The following H3C2 variants were observed in gnomAD, a reference collection of about 807,000 sequenced individuals.
The protein encoded by H3C2 is histone H3.1.
In H3C2, 13 loss-of-function variants were observed where a neutral mutation model predicts 8.7. The observed-to-expected ratio is 1.49, with a 90% CI of 0.97 to 2.37. The LOEUF (loss-of-function observed/expected upper bound fraction) is 2.37. Among genes scored for constraint, H3C2 ranks in the 30% most tolerant of loss-of-function variants. The probability of loss-of-function intolerance (pLI) is 0.00; values close to 1 mark genes in which losing one functional copy is unlikely to be tolerated. For missense variants in H3C2, 144 were observed against 190.4 expected (o/e 0.76, Z 1.44); for synonymous variants, 166 against 77.6 (o/e 2.14, Z -5.99).
rs1004562472 is a variant in H3C2 at position 26,031,631 on chromosome 6, T to A, written c.*19A>T. The A allele has an allele frequency of 1.9e-6, 3 of 1,608,454 alleles. No individual in the cohort carries two copies. Among genetic ancestry groups the A allele is most frequent in the Non-Finnish European group, 2.5e-6 (3 of 1,178,588 alleles). On this transcript the variant is annotated 3_prime_UTR_variant, in exon 1 of 1. Transcript: ENST00000621411. ...AAGAGCCTTTGGGTTTTAAGACTGA[T>A]GAAAAAGTGACTTTACATTTACGCT...
rs3842707 is a variant in H3C2 at position 26,031,632 on chromosome 6, GAA to G, written c.*16_*17del. 3.2e-5 allele frequency: 51 copies of G among 1,608,588 alleles called. No homozygotes were observed. Among genetic ancestry groups the G allele is most frequent in the South Asian group, 3.3e-5 (3 of 90,230 alleles). On this transcript the variant is annotated 3_prime_UTR_variant, in exon 1 of 1. Coordinates refer to ENST00000621411, the MANE Select transcript of H3C2 (RefSeq NM_003537.4). ...AGAGCCTTTGGGTTTTAAGACTGAT[GAA>G]AAAGTGACTTTACATTTACGCTCTT...
In H3C2 at chr6:26,031,984, G is replaced by GCA; in HGVS notation, c.75_76dup (p.Ala26ValfsTer12). 6.2e-7 allele frequency: 1 copy of GCA among 1,614,180 alleles called. No individual in the cohort carries two copies. Among genetic ancestry groups the GCA allele is most frequent in the Non-Finnish European group, 8.5e-7 (1 of 1,180,044 alleles). Reference sequence around the variant, plus strand: ...GCCGGTAGCCGGCGCGCTCTTGCGAGCAGCCTTGGTAGCCAGCTGCTTGCG... The same window carrying GCA: ...GCCGGTAGCCGGCGCGCTCTTGCGAGCACAGCCTTGGTAGCCAGCTGCTTGCG... On this transcript the variant is annotated frameshift_variant, in exon 1 of 1. Transcript: ENST00000621411. LOFTEE classifies it high-confidence loss of function.
chr6:26,031,632 G>T lies in H3C2; in HGVS notation c.*18C>A, dbSNP rs1561918839. 1 of 1,608,706 alleles carries T rather than the reference G, an allele frequency of 6.2e-7. No individual in the cohort carries two copies. Among genetic ancestry groups the T allele is most frequent in the Non-Finnish European group, 8.5e-7 (1 of 1,178,552 alleles). On this transcript the variant is annotated 3_prime_UTR_variant, in exon 1 of 1. Coordinates refer to ENST00000621411, the MANE Select transcript of H3C2 (RefSeq NM_003537.4). Reference sequence around the variant, plus strand: ...AGAGCCTTTGGGTTTTAAGACTGATGAAAAAGTGACTTTACATTTACGCTC... The same window carrying T: ...AGAGCCTTTGGGTTTTAAGACTGATTAAAAAGTGACTTTACATTTACGCTC...
In H3C2 at chr6:26,031,701, AAT is replaced by A. The variant is rs777929235; in HGVS notation, c.358_359del (p.Ile120TyrfsTer27). ...LCAIHAKRVTIMPKDIQLARR... is the reference protein window; with the variant it reads ...LCAIHAKRVTXMPKDIQLARR... ...GAGCGAGCTGGATGTCTTTGGGCAT[AAT>A]AGTCACTCGCTTAGCATGGATGGCG... On this transcript the variant is annotated frameshift_variant, in exon 1 of 1. Coordinates refer to ENST00000621411, the MANE Select transcript of H3C2 (RefSeq NM_003537.4). LOFTEE classifies it high-confidence loss of function. 4 of 1,614,086 alleles carry A rather than the reference AAT, an allele frequency of 2.5e-6. No homozygotes were observed. Among genetic ancestry groups the A allele is most frequent in the South Asian group, 1.1e-5 (1 of 91,084 alleles).
In H3C2 at chr6:26,031,663, C is replaced by T; in HGVS notation, c.398G>A (p.Gly133Glu). ...KDIQLARRIR[G>E]ERA ...GTGACTTTACATTTACGCTCTTTCT[C>T]CGCGAATGCGGCGAGCGAGCTGGAT... The change falls in exon 1 of 1, where the codon GGA (glycine) becomes GAA (glutamate). Residue 133 changes from glycine to glutamate, a missense_variant. Physicochemically the swap from Gly to Glu is moderately conservative, Grantham distance 98. Transcript: ENST00000621411. 1 of 1,613,502 alleles carries T rather than the reference C, an allele frequency of 6.2e-7. No homozygotes were observed. Among genetic ancestry groups the T allele is most frequent in the Non-Finnish European group, 8.5e-7 (1 of 1,179,898 alleles).
chr6:26,032,073 G>C lies in H3C2; in HGVS notation c.-13C>G, dbSNP rs201974900. 2 of 1,600,952 alleles carry C rather than the reference G, an allele frequency of 1.2e-6. No individual in the cohort carries two copies. On this transcript the variant is annotated 5_prime_UTR_variant, in exon 1 of 1. Transcript: ENST00000621411. ...TAGTACGAGCCATGGCAAAACCACAGAAAAGCTTGCCTGCAGAGACGTCTG... is the reference window on the plus strand; with the variant it reads ...TAGTACGAGCCATGGCAAAACCACACAAAAGCTTGCCTGCAGAGACGTCTG...
In H3C2 at chr6:26,031,801, C is replaced by T. The variant is rs755336260; in HGVS notation, c.260G>A (p.Ser87Asn). 12 of 1,614,268 alleles carry T rather than the reference C, an allele frequency of 7.4e-6. No individual in the cohort carries two copies. In the East Asian group the frequency reaches 2.0e-4, roughly 27 times the overall value. ...CTCCTGCAGCGCCATCACCGCAGAG[C>T]TCTGGAAGCGAAGATCGGTCTTGAA... is the stretch of plus-strand genomic sequence containing the variant. ...QDFKTDLRFQ[S>N]SAVMALQEAC... is the part of the protein sequence containing the mutation. The change falls in exon 1 of 1, where the codon AGC (serine) becomes AAC (asparagine). Residue 87 changes from serine (S) to asparagine (N), a missense_variant. Coordinates refer to ENST00000621411, the MANE Select transcript of H3C2 (RefSeq NM_003537.4).
At position 26,031,611 on chromosome 6, in the gene H3C2, C is replaced by T; in HGVS notation, c.*39G>A. On this transcript the variant is annotated 3_prime_UTR_variant, in exon 1 of 1. Coordinates refer to ENST00000621411, the MANE Select transcript of H3C2 (RefSeq NM_003537.4). ...AATAAGTGGGTGGCTCTGAAAAGAG[C>T]CTTTGGGTTTTAAGACTGATGAAAA... The T allele has an allele frequency of 1.3e-6, 2 of 1,593,618 alleles. No individual in the cohort carries two copies. Among genetic ancestry groups the T allele is most frequent in the Non-Finnish European group, 1.7e-6 (2 of 1,170,904 alleles).
chr6:26,032,057 C>A lies in H3C2; in HGVS notation c.4G>T (p.Ala2Ser), dbSNP rs1275976747. 1 of 1,608,174 alleles carries A rather than the reference C, an allele frequency of 6.2e-7. No homozygotes were observed. Among genetic ancestry groups the A allele is most frequent in the Non-Finnish European group, 8.5e-7 (1 of 1,178,986 alleles). Residue 2 changes from alanine to serine, a missense_variant, in exon 1 of 1, where the codon GCT becomes TCT. Physicochemically the swap from Ala to Ser is moderately conservative, Grantham distance 99. Transcript: ENST00000621411. The part of the protein sequence containing the change: M[A>S]RTKQTARKST... ...TTCCGAGCTGTCTGTTTAGTACGAG[C>A]CATGGCAAAACCACAGAAAAGCTTG...
Position 26,031,779 on chromosome 6 carries a change from C to T in H3C2, c.282G>A (p.Gln94=), listed in dbSNP as rs1314198427. The T allele has an allele frequency of 6.2e-7, 1 of 1,614,248 alleles. No homozygotes were observed. Among genetic ancestry groups the T allele is most frequent in the South Asian group, 1.1e-5 (1 of 91,088 alleles). ...CTACCAAGTAGGCCTCACAAGCCTC[C>T]TGCAGCGCCATCACCGCAGAGCTCT... ...RFQSSAVMAL[Q]EACEAYLVGL... is the part of the protein sequence containing the mutation. The change falls in exon 1 of 1, where the codon CAG becomes CAA. Residue 94 remains glutamine, a synonymous_variant. Coordinates refer to ENST00000621411, the MANE Select transcript of H3C2 (RefSeq NM_003537.4).
Position 26,031,718 on chromosome 6 carries a change from C to T in H3C2, c.343G>A (p.Ala115Thr), listed in dbSNP as rs202032296. The T allele has an allele frequency of 6.2e-7, 1 of 1,614,258 alleles. No homozygotes were observed. The change falls in exon 1 of 1, where the codon GCT becomes ACT. Residue 115 changes from alanine (A) to threonine (T), a missense_variant. Coordinates refer to ENST00000621411, the MANE Select transcript of H3C2 (RefSeq NM_003537.4). ...TTGGGCATAATAGTCACTCGCTTAG[C>T]ATGGATGGCGCAAAGGTTTGTGTCC... Reference protein sequence around the residue: ...FEDTNLCAIHAKRVTIMPKDI... With the variant: ...FEDTNLCAIHTKRVTIMPKDI...
rs759621560 is a variant in H3C2, at chr6:26,032,088, A to C, written c.-28T>G. On this transcript the variant is annotated 5_prime_UTR_variant, in exon 1 of 1. Coordinates refer to ENST00000621411, the MANE Select transcript of H3C2 (RefSeq NM_003537.4). ...CAAAACCACAGAAAAGCTTGCCTGCAGAGACGTCTGTGGAGGAAAGGAAAG... is the reference window on the plus strand; with the variant it reads ...CAAAACCACAGAAAAGCTTGCCTGCCGAGACGTCTGTGGAGGAAAGGAAAG... 6.3e-7 allele frequency: 1 copy of C among 1,590,540 alleles called. No individual in the cohort carries two copies. Among genetic ancestry groups the C allele is most frequent in the Admixed American group, 1.8e-5 (1 of 54,928 alleles).
In H3C2 at chr6:26,032,064, A is replaced by T. The variant is rs1391132690; in HGVS notation, c.-4T>A. ...CTGTCTGTTTAGTACGAGCCATGGC[A>T]AAACCACAGAAAAGCTTGCCTGCAG... On this transcript the variant is annotated 5_prime_UTR_variant, in exon 1 of 1. Coordinates refer to ENST00000621411, the MANE Select transcript of H3C2 (RefSeq NM_003537.4). 1.9e-6 allele frequency: 3 copies of T among 1,602,748 alleles called. No individual in the cohort carries two copies. The highest frequency in any genetic ancestry group is 4.5e-5 in the East Asian group (2 of 44,844).
rs199936105 is a variant in H3C2 at position 26,032,085 on chromosome 6, T to A, written c.-25A>T. 5.0e-6 allele frequency: 8 copies of A among 1,591,178 alleles called. No individual in the cohort carries two copies. In the East Asian group the frequency reaches 1.8e-4, roughly 36 times the overall value. Reference sequence around the variant, plus strand: ...TGGCAAAACCACAGAAAAGCTTGCCTGCAGAGACGTCTGTGGAGGAAAGGA... The same window carrying A: ...TGGCAAAACCACAGAAAAGCTTGCCAGCAGAGACGTCTGTGGAGGAAAGGA... On this transcript the variant is annotated 5_prime_UTR_variant, in exon 1 of 1. Transcript: ENST00000621411.
chr6:26,031,743 C>T lies in H3C2; in HGVS notation c.318G>A (p.Glu106=), dbSNP rs752372678. ...CATGGATGGCGCAAAGGTTTGTGTC[C>T]TCAAAGAGCCCTACCAAGTAGGCCT... ...ACEAYLVGLF[E]DTNLCAIHAK... is the part of the protein sequence containing the mutation. The change falls in exon 1 of 1, where the codon GAG becomes GAA. Residue 106 remains glutamate, a synonymous_variant. Transcript: ENST00000621411. 2.5e-6 allele frequency: 4 copies of T among 1,614,118 alleles called. No homozygotes were observed. The highest frequency in any genetic ancestry group is 1.6e-4 in the Middle Eastern group (1 of 6,084).
chr6:26,031,790 T>C lies in H3C2; in HGVS notation c.271A>G (p.Met91Val). 1.2e-6 allele frequency: 2 copies of C among 1,614,244 alleles called. No homozygotes were observed. Among genetic ancestry groups the C allele is most frequent in the Non-Finnish European group, 1.7e-6 (2 of 1,180,042 alleles). The change falls in exon 1 of 1, where the codon ATG (methionine) becomes GTG (valine). Residue 91 changes from methionine to valine, a missense_variant. Coordinates refer to ENST00000621411, the MANE Select transcript of H3C2 (RefSeq NM_003537.4). ...TDLRFQSSAV[M>V]ALQEACEAYL... Reference sequence around the variant, plus strand: ...GCCTCACAAGCCTCCTGCAGCGCCATCACCGCAGAGCTCTGGAAGCGAAGA... The same window carrying C: ...GCCTCACAAGCCTCCTGCAGCGCCACCACCGCAGAGCTCTGGAAGCGAAGA...
rs777289783 is a variant in H3C2 at position 26,031,857 on chromosome 6, G to T, written c.204C>A (p.Phe68Leu). 1 of 1,614,254 alleles carries T rather than the reference G, an allele frequency of 6.2e-7. No homozygotes were observed. The highest frequency in any genetic ancestry group is 8.5e-7 in the Non-Finnish European group (1 of 1,180,050). Residue 68 changes from phenylalanine to leucine, a missense_variant, in exon 1 of 1, where the codon TTC becomes TTA. Physicochemically the swap from Phe to Leu is conservative, Grantham distance 22. Transcript: ENST00000621411. ...STELLIRKLPFQRLVREIAQD... is the reference protein window; with the variant it reads ...STELLIRKLPLQRLVREIAQD... ...GGGCGATTTCTCGCACCAGGCGCTG[G>T]AACGGCAGCTTCCGAATCAGCAACT...
rs764928526 is a variant in H3C2, at chr6:26,031,656, T to A, written c.405A>T (p.Arg135Ser). 6.2e-7 allele frequency: 1 copy of A among 1,613,292 alleles called. No individual in the cohort carries two copies. The highest frequency in any genetic ancestry group is 8.5e-7 in the Non-Finnish European group (1 of 1,179,812). Residue 135 changes from arginine (R) to serine (S), a missense_variant, in exon 1 of 1, where the codon AGA (arginine) becomes AGT (serine). Transcript: ENST00000621411. ...TGAAAAAGTGACTTTACATTTACGC[T>A]CTTTCTCCGCGAATGCGGCGAGCGA... ...IQLARRIRGE[R>S]A
Position 26,031,633 on chromosome 6 carries a change from A to T in H3C2, c.*17T>A. The T allele has an allele frequency of 1.9e-6, 3 of 1,607,028 alleles. No homozygotes were observed. The highest frequency in any genetic ancestry group is 2.5e-6 in the Non-Finnish European group (3 of 1,178,554). On this transcript the variant is annotated 3_prime_UTR_variant, in exon 1 of 1. Coordinates refer to ENST00000621411, the MANE Select transcript of H3C2 (RefSeq NM_003537.4). The stretch of plus-strand genomic sequence containing the variant: ...GAGCCTTTGGGTTTTAAGACTGATG[A>T]AAAAGTGACTTTACATTTACGCTCT...
Sources: gnomAD v4.1 joint callset for allele counts on GRCh38, gnomAD v4.1.1 for gene constraint, MANE v1.5 for transcripts, NCBI Gene and HGNC (gene_info 2026-07-23, HGNC 2026-07-21) for gene names.